Variants in ADAMTS2 observed in about 807,000 individuals in gnomAD.
ADAMTS2 encodes the protein ADAM metallopeptidase with thrombospondin type 1 motif 2.
ADAMTS2 carries 50 observed loss-of-function variants against 123.0 expected under a neutral mutation model. The observed-to-expected ratio is 0.41, with a 90% CI of 0.32 to 0.51. The LOEUF (loss-of-function observed/expected upper bound fraction) is 0.51, where lower values mean the gene tolerates loss of function less well. ADAMTS2 is among the 20% of genes least tolerant of loss of function. The pLI, the probability that ADAMTS2 is intolerant of heterozygous loss-of-function variation, is 0.35. For missense variants in ADAMTS2, 1,494 were observed against 1,705.2 expected, an observed-to-expected ratio of 0.88 and a Z score of 2.18; for synonymous variants, 678 against 695.4, an observed-to-expected ratio of 0.98 and a Z score of 0.39.
intron 3 of ADAMTS2, among the ~76,000 whole-genome samples, chr5:179,253,876 C>A (rs567295472): frequency 2.0e-5 from 3 of 152,326 alleles, no homozygotes; most frequent in South Asian, 2.1e-4. Flanking sequence ...AGTCCCTGCA[C>A]CAGCTGCTCA....
intron 3 of ADAMTS2, among the ~76,000 whole-genome samples, chr5:179,213,559 G>C (rs1764909522): frequency 6.6e-6 from 1 of 152,150 alleles, no homozygotes. Context: ...TGGGAACTGG[G>C]ATAGAAGGAG....
At position 179,332,195 on chromosome 5, in the gene ADAMTS2, C is replaced by T. The variant is rs1022264514; in HGVS notation, c.534+11572G>A. Among the ~76,000 whole-genome samples the T allele has an allele frequency of 6.6e-6, 1 of 152,194 alleles. No homozygotes were observed. Among genetic ancestry groups the T allele is most frequent in the Admixed American group, 6.5e-5 (1 of 15,282 alleles). On this transcript the variant is annotated intron_variant, in intron 2 of 21. Coordinates refer to ENST00000251582, the MANE Select transcript of ADAMTS2 (RefSeq NM_014244.5). The surrounding 1 kb of genome is among the most constrained non-coding windows in gnomAD (Gnocchi z 4.2). ...TTCCAGTTGATTATTAAAGACACAA[C>T]CCAGGAACAGCTGCATGGGAGGGAT...
intron 2 of ADAMTS2, among the ~76,000 whole-genome samples, chr5:179,286,676 G>T (rs932521701): frequency 6.6e-6 from 1 of 152,140 alleles, no homozygotes; most frequent in Admixed American, 6.5e-5. Flanking sequence ...CCCACAAAAG[G>T]TCGGGGCCGG....
At position 179,344,043 on chromosome 5, in the gene ADAMTS2, G is replaced by C. The variant is rs886060497; in HGVS notation, c.258C>G (p.Ala86=). Residue 86 remains alanine, a synonymous_variant, in exon 2 of 22, where the codon GCC becomes GCG. Transcript: ENST00000251582. ...SAATSRAGVR[A]RRAAPVRTPS... is the part of the protein sequence containing the mutation. ...GGGTCCGGACCGGGGCGGCCCTGCG[G>C]GCTCGTACCCCTGCTCTGGACGTAG... 6.2e-7 allele frequency: 1 copy of C among 1,612,470 alleles called. No individual in the cohort carries two copies. The highest frequency in any genetic ancestry group is 2.2e-5 in the East Asian group (1 of 44,876).
At chr5:179,164,699 C>T (rs1017884630) in intron 5 of ADAMTS2, among the ~76,000 whole-genome samples, 1 of 152,208 alleles carries the variant, frequency 6.6e-6, no homozygotes, top group African/African-American at 2.4e-5. Context: ...GGGTGCAGCC[C>T]TTGTGGGTGA....
chr5:179,153,533 T>C lies in ADAMTS2; in HGVS notation c.1473A>G (p.Gln491=), dbSNP rs1220492913. The C allele has an allele frequency of 1.2e-6, 2 of 1,610,980 alleles. No individual in the cohort carries two copies. The highest frequency in any genetic ancestry group is 1.7e-5 in the Admixed American group (1 of 60,010). Residue 491 remains glutamine, a synonymous_variant, in exon 9 of 22, where the codon CAA becomes CAG. Transcript: ENST00000251582. ...AGCCCAGGCCGAAGTCAAAGCGGCA[T>C]TGCTCGTTCATGGAGTAGTGCAGTC... ...LPGLHYSMNE[Q]CRFDFGLGYM...
In ADAMTS2 at chr5:179,218,976, G is replaced by A. The variant is rs146112704; in HGVS notation, c.689-11261C>T. Among the ~76,000 whole-genome samples the A allele has an allele frequency of 3.7e-3, 558 of 152,250 alleles. 3 individuals carry two copies. The highest frequency in any genetic ancestry group is 0.013 in the African/African-American group (527 of 41,540). ...AGAGCCACCTGGGGTTGCACAGCAC[G>A]GTGGCCTGCCCTGTCTGGCCATTAC... is the stretch of plus-strand genomic sequence containing the variant. On this transcript the variant is annotated intron_variant, in intron 3 of 21. Transcript: ENST00000251582.
chr5:179,139,796 C>T (rs1763129855), intron 11 of ADAMTS2, 94 bp downstream of exon 11: 14 of 1,569,962 alleles, frequency 8.9e-6, no homozygotes, highest in Non-Finnish European at 1.2e-5. Flanking sequence ...TGGTGTGCAG[C>T]CACAGGGCCC....
At chr5:179,245,492 C>T (rs1323188553) in intron 3 of ADAMTS2, among the ~76,000 whole-genome samples, 2 of 147,690 alleles carry the variant, frequency 1.4e-5, no homozygotes, top group African/African-American at 2.6e-5. Context: ...GTGGGCCGGG[C>T]GCGGTGGCTC....
At chr5:179,211,881 C>A (rs557618525) in intron 3 of ADAMTS2, among the ~76,000 whole-genome samples, 20 of 152,328 alleles carry the variant, frequency 1.3e-4, no homozygotes, top group African/African-American at 4.6e-4. Context: ...CCAATCCCCT[C>A]GCCAAGGTGG....
rs1454010534 is a variant in ADAMTS2 at position 179,129,321 on chromosome 5, G to A, written c.2457+611C>T. On this transcript the variant is annotated intron_variant, in intron 16 of 21. Coordinates refer to ENST00000251582, the MANE Select transcript of ADAMTS2 (RefSeq NM_014244.5). This position sits in a 1 kb window ranked among gnomAD's most constrained non-coding sequence, Gnocchi z 4.1. ...TGGGGGCTGGTGGATTAATCCCAAT[G>A]CCAGCATGCCCACCTTAGGGAGGGG... Among the ~76,000 whole-genome samples the A allele has an allele frequency of 6.6e-6, 1 of 152,208 alleles. No homozygotes were observed. The highest frequency in any genetic ancestry group is 2.4e-5 in the African/African-American group (1 of 41,452).
intron 7 of ADAMTS2, 137 bp downstream of exon 7, chr5:179,154,676 TG>T: frequency 1.4e-6 from 1 of 721,072 alleles, no homozygotes; most frequent in Non-Finnish European, 2.4e-6. Flanking sequence ...TGCCCAGCGC[TG>T]GGAAGACAGG....
chr5:179,160,445 C>CAACAGA, intron 5 of ADAMTS2, among the ~76,000 whole-genome samples: 2 of 152,200 alleles, frequency 1.3e-5, no homozygotes, highest in East Asian at 1.9e-4. Context: ...AGTGAGACTC[C>CAACAGA]GTCTCAAAAC....
At chr5:179,186,829 G>A (rs1324971520) in intron 4 of ADAMTS2, among the ~76,000 whole-genome samples, 2 of 114,600 alleles carry the variant, frequency 1.7e-5, no homozygotes, top group Non-Finnish European at 3.4e-5. Flanking sequence ...GGTCCCCCTC[G>A]TGTCCTCCCC....
In ADAMTS2 at chr5:179,285,936, G is replaced by A. The variant is rs528092408; in HGVS notation, c.535-12872C>T. 1.4e-4 allele frequency among the ~76,000 whole-genome samples: 21 copies of A among 152,248 alleles called. No homozygotes were observed. Among genetic ancestry groups the A allele is most frequent in the Non-Finnish European group, 2.5e-4 (17 of 68,022 alleles). On this transcript the variant is annotated intron_variant, in intron 2 of 21. Coordinates refer to ENST00000251582, the MANE Select transcript of ADAMTS2 (RefSeq NM_014244.5). The surrounding 1 kb of genome is among the most constrained non-coding windows in gnomAD (Gnocchi z 4.9). ...CCATTCAAGATCCTGCCAACAGGCCGGGCACGGTGGCTCACGCCTATAATC... is the reference window on the plus strand; with the variant it reads ...CCATTCAAGATCCTGCCAACAGGCCAGGCACGGTGGCTCACGCCTATAATC...
intron 2 of ADAMTS2, among the ~76,000 whole-genome samples, chr5:179,293,837 T>A (rs762824777): frequency 2.0e-5 from 3 of 151,832 alleles, no homozygotes; most frequent in Non-Finnish European, 4.4e-5. Flanking sequence ...ATTGGCTAGG[T>A]GGTCTCGAAC....
chr5:179,255,891 CACTGTGACCCT>C (rs1766039265), intron 3 of ADAMTS2, among the ~76,000 whole-genome samples: 1 of 152,178 alleles, frequency 6.6e-6, no homozygotes, highest in African/African-American at 2.4e-5. Flanking sequence ...ACAATTCGGG[CACTGTGACCCT>C]ACTGGACCCC....
At chr5:179,248,655 A>G (rs1581219147) in intron 3 of ADAMTS2, among the ~76,000 whole-genome samples, 1 of 152,274 alleles carries the variant, frequency 6.6e-6, no homozygotes, top group South Asian at 2.1e-4. Context: ...ACAGCATTAT[A>G]TATTGATGAA....
In ADAMTS2 at chr5:179,129,294, G is replaced by A. The variant is rs565972599; in HGVS notation, c.2457+638C>T. Among the ~76,000 whole-genome samples the A allele has an allele frequency of 3.4e-4, 52 of 152,212 alleles. No individual in the cohort carries two copies. Among genetic ancestry groups the A allele is most frequent in the East Asian group, 2.9e-3 (15 of 5,166 alleles). Reference sequence around the variant, plus strand: ...TTACAGGTGCACCCACGTGTGGAGCGCTGGGGGCTGGTGGATTAATCCCAA... The same window carrying A: ...TTACAGGTGCACCCACGTGTGGAGCACTGGGGGCTGGTGGATTAATCCCAA... On this transcript the variant is annotated intron_variant, in intron 16 of 21. Transcript: ENST00000251582. This position sits in a 1 kb window ranked among gnomAD's most constrained non-coding sequence, Gnocchi z 4.1.
Sources: gnomAD v4.1 joint callset for allele counts (sites outside exome capture counted in the v4.1 genomes callset) on GRCh38, gnomAD v4.1.1 for gene constraint, Gnocchi (gnomAD v3.1) non-coding constraint, MANE v1.5 for transcripts, NCBI Gene and HGNC (gene_info 2026-07-23, HGNC 2026-07-21) for gene names.